The following LRBA variants were observed in gnomAD, a reference collection of about 807,000 sequenced individuals.
LRBA encodes the protein lipopolysaccharide-responsive and beige-like anchor protein.
Under a neutral mutation model 330.0 loss-of-function variants are expected in LRBA, and 176 were observed. That is an observed-to-expected ratio of 0.53 (90% CI 0.47 to 0.60). The LOEUF (loss-of-function observed/expected upper bound fraction) is 0.60, where lower values mean the gene tolerates loss of function less well. Ranked by LOEUF, LRBA falls within the 20% of genes least tolerant of loss-of-function variation. The pLI, the probability that LRBA is intolerant of heterozygous loss-of-function variation, is 0.00. For synonymous variants in LRBA, 1,230 were observed against 1,193.0 expected (o/e 1.03, Z -0.64); for missense variants, 3,259 against 3,444.8 (o/e 0.95, Z 1.35).
intron 55 of LRBA, 76 bp from the exon 56 acceptor site, chr4:150,278,080 C>T (rs749865688): frequency 2.4e-5 from 30 of 1,264,854 alleles, no homozygotes; most frequent in Non-Finnish European, 3.3e-5. Flanking sequence ...TTGAGTCATT[C>T]TTACACCAGC....
At chr4:150,490,006 A>C (rs112592037) in intron 41 of LRBA, among the ~76,000 whole-genome samples, 1 of 151,482 alleles carries the variant, frequency 6.6e-6, no homozygotes, top group Admixed American at 6.6e-5. Flanking sequence ...CTAAGATTGA[A>C]GCTCCTTTGG....
intron 40 of LRBA, among the ~76,000 whole-genome samples, chr4:150,565,102 A>G (rs1768956383): frequency 6.6e-6 from 1 of 152,190 alleles, no homozygotes; most frequent in South Asian, 2.1e-4. Context: ...ACATGGAACC[A>G]ACCCAAATGC....
intron 2 of LRBA, among the ~76,000 whole-genome samples, chr4:150,956,973 A>G (rs1425664775): frequency 2.0e-5 from 3 of 149,044 alleles, no homozygotes; most frequent in Non-Finnish European, 2.9e-5. Context: ...ACACACACAT[A>G]TACACATACA....
chr4:150,983,314 G>A (rs1280138181), intron 2 of LRBA, among the ~76,000 whole-genome samples: 1 of 151,952 alleles, frequency 6.6e-6, no homozygotes, highest in African/African-American at 2.4e-5. Flanking sequence ...AATTAGCCAG[G>A]TATGATGGAA....
At chr4:150,608,478 G>A (rs1297918070) in intron 37 of LRBA, among the ~76,000 whole-genome samples, 1 of 152,058 alleles carries the variant, frequency 6.6e-6, no homozygotes, top group African/African-American at 2.4e-5. Context: ...AAAGACAAAT[G>A]AGCAAAAATG....
At chr4:150,572,241 A>G (rs1001409306) in intron 40 of LRBA, among the ~76,000 whole-genome samples, 3 of 152,136 alleles carry the variant, frequency 2.0e-5, no homozygotes, top group African/African-American at 7.2e-5. Context: ...TCTGAAAAAT[A>G]ATACAGAAAG....
intron 2 of LRBA, among the ~76,000 whole-genome samples, chr4:151,009,876 A>G (rs1054639323): frequency 4.6e-5 from 7 of 151,924 alleles, no homozygotes; most frequent in African/African-American, 1.7e-4. Flanking sequence ...GCTACTTGGG[A>G]GGCTGAGGCA....
chr4:150,875,051 G>A (rs980940921), intron 17 of LRBA, among the ~76,000 whole-genome samples: 4 of 152,102 alleles, frequency 2.6e-5, no homozygotes, highest in Non-Finnish European at 5.9e-5. Context: ...GGTGCAAGGG[G>A]GAACCTCTCT....
rs185639906 is a variant in LRBA, at chr4:150,884,580, C to A, written c.2165+8472G>T. Among the ~76,000 whole-genome samples the A allele has an allele frequency of 2.4e-3, 365 of 152,094 alleles. 9 individuals carry two copies. The highest frequency in any genetic ancestry group is 5.7e-4 in the Non-Finnish European group (39 of 68,000). On this transcript the variant is annotated intron_variant, in intron 17 of 56. Coordinates refer to ENST00000651943, the MANE Select transcript of LRBA (RefSeq NM_001364905.1). ...AAGATATATAGAAACATGGAAAACC[C>A]TAAGAGTGCTATGGAAAGAAAAAGG...
At chr4:150,617,475 C>G (rs1280187156) in intron 37 of LRBA, among the ~76,000 whole-genome samples, 1 of 151,806 alleles carries the variant, frequency 6.6e-6, no homozygotes, top group East Asian at 2.0e-4. Context: ...AACCCTGTCT[C>G]TACTAAAAAT....
At chr4:150,439,222 T>C (rs2152000506) in intron 44 of LRBA, among the ~76,000 whole-genome samples, 1 of 152,342 alleles carries the variant, frequency 6.6e-6, no homozygotes. Flanking sequence ...GTATTCACTT[T>C]ATCTGCTCCT....
chr4:150,583,054 G>T lies in LRBA; in HGVS notation c.6330+4994C>A. The T allele has an allele frequency of 6.2e-7, 1 of 1,608,454 alleles. No individual in the cohort carries two copies. Among genetic ancestry groups the T allele is most frequent in the Non-Finnish European group, 8.5e-7 (1 of 1,176,584 alleles). On this transcript the variant is annotated intron_variant, in intron 40 of 56. Transcript: ENST00000651943. This position sits in a 1 kb window ranked among gnomAD's most constrained non-coding sequence, Gnocchi z 9.8. ...CATGATCGCCGCTCAGGCCAAGCTG[G>T]TTTACCAGCTCAATAAGTACTACAC...
rs1580832282 is a variant in LRBA at position 150,265,558 on chromosome 4, A to C, written c.*164T>G. 9.2e-6 allele frequency: 5 copies of C among 542,252 alleles called. No individual in the cohort carries two copies. Among genetic ancestry groups the C allele is most frequent in the African/African-American group, 1.9e-5 (1 of 52,598 alleles). The allele number at this position is 542,252 out of a possible 1,614,324, so 33.6% of individuals were successfully genotyped here. On this transcript the variant is annotated 3_prime_UTR_variant, in exon 57 of 57. Transcript: ENST00000651943. The stretch of plus-strand genomic sequence containing the variant: ...GTTTTCTGCTTTGCTAATCCCCCCC[A>C]AAAAAGTCAAGCAAAGACTACAAAA...
At chr4:150,439,180 A>G (rs1001944417) in intron 44 of LRBA, among the ~76,000 whole-genome samples, 2 of 152,160 alleles carry the variant, frequency 1.3e-5, no homozygotes, top group Admixed American at 6.5e-5. Context: ...AATAGAATCA[A>G]TGCTCCTTTT....
chr4:150,849,623 TCA>T (rs1750358793), intron 24 of LRBA, 48 bp from the exon 25 acceptor site: 2 of 1,512,798 alleles, frequency 1.3e-6, no homozygotes, highest in Non-Finnish European at 1.8e-6. Flanking sequence ...AGAAAGGAAA[TCA>T]CAGTTTGCCT....
intron 36 of LRBA, among the ~76,000 whole-genome samples, chr4:150,701,456 C>CA (rs1323786853): frequency 6.6e-6 from 1 of 152,192 alleles, no homozygotes. Flanking sequence ...TTGCTTCTGC[C>CA]AGCCTTACCA....
At chr4:150,964,378 A>G (rs936418224) in intron 2 of LRBA, among the ~76,000 whole-genome samples, 4 of 149,762 alleles carry the variant, frequency 2.7e-5, no homozygotes, top group South Asian at 4.1e-4. Context: ...TTTGTCGAAT[A>G]GAAAAGGGGG....
At chr4:150,408,077 G>T (rs776043143) in intron 47 of LRBA, among the ~76,000 whole-genome samples, 24 of 151,994 alleles carry the variant, frequency 1.6e-4, no homozygotes, top group Non-Finnish European at 3.2e-4. Flanking sequence ...AGAGAACACA[G>T]AGACACCATA....
Position 150,553,118 on chromosome 4 carries a change from T to C in LRBA, c.6330+34930A>G, listed in dbSNP as rs560585908. Among the ~76,000 whole-genome samples, 10 of 151,200 alleles carry C rather than the reference T, an allele frequency of 6.6e-5. No homozygotes were observed. The South Asian group carries it at 1.3e-3, about 19-fold the overall frequency. On this transcript the variant is annotated intron_variant, in intron 40 of 56. Coordinates refer to ENST00000651943, the MANE Select transcript of LRBA (RefSeq NM_001364905.1). ...AAAAGAAAATGTGGCACATATACAC[T>C]ATGGAATATTATGCAGTCATAAAAA...
Sources: allele counts gnomAD v4.1 joint callset (sites outside exome capture counted in the v4.1 genomes callset), GRCh38; gene constraint gnomAD v4.1.1; non-coding constraint Gnocchi (gnomAD v3.1); transcripts MANE v1.5; gene names NCBI Gene and HGNC (gene_info 2026-07-23, HGNC 2026-07-21).